The following PRKN variants were observed in gnomAD, a reference collection of about 807,000 sequenced individuals.
PRKN encodes parkin RBR E3 ubiquitin protein ligase, also known as E3 ubiquitin-protein ligase parkin.
Under a neutral mutation model 59.5 loss-of-function variants are expected in PRKN, and 56 were observed. The observed-to-expected ratio is 0.94, with a 90% confidence interval of 0.76 to 1.18. PRKN has a LOEUF of 1.18. PRKN is among the 50% of genes most tolerant of loss of function. The probability of loss-of-function intolerance (pLI) is 0.00; values close to 1 mark genes in which losing one functional copy is unlikely to be tolerated. For missense variants in PRKN, 657 were observed against 596.4 expected (o/e 1.10, Z -1.06); for synonymous variants, 250 against 222.1 (o/e 1.13, Z -1.12).
At chr6:162,725,757 T>C (rs972618437) in intron 1 of PRKN, among the ~76,000 whole-genome samples, 1 of 136,738 alleles carries the variant, frequency 7.3e-6, no homozygotes, top group Non-Finnish European at 1.6e-5. Context: ...AGACAGAACC[T>C]GTCTCAAAAA....
chr6:162,033,874 A>G (rs1562474051), intron 5 of PRKN, among the ~76,000 whole-genome samples: 1 of 152,116 alleles, frequency 6.6e-6, no homozygotes, highest in Non-Finnish European at 1.5e-5. Flanking sequence ...CCTTGAAAAC[A>G]AATATTTGTA....
intron 7 of PRKN, among the ~76,000 whole-genome samples, chr6:161,757,194 A>T (rs1456946487): frequency 6.6e-6 from 1 of 152,220 alleles, no homozygotes; most frequent in Non-Finnish European, 1.5e-5. Flanking sequence ...TAGGTATGCT[A>T]CATAAAGCAC....
chr6:162,059,456 T>A (rs1778004786), intron 4 of PRKN, among the ~76,000 whole-genome samples: 1 of 152,198 alleles, frequency 6.6e-6, no homozygotes, highest in Non-Finnish European at 1.5e-5. Context: ...CTGTCAAATT[T>A]TGGAAAACAT....
intron 2 of PRKN, among the ~76,000 whole-genome samples, chr6:162,410,773 T>G (rs2128154501): frequency 6.6e-6 from 1 of 152,326 alleles, no homozygotes; most frequent in South Asian, 2.1e-4. Context: ...TCTTGGAGTT[T>G]GGCTTCTGTT....
At chr6:161,897,980 A>AAAAAAAAAAAAAAAAAAAAAAAAAC (rs1777718983) in intron 6 of PRKN, among the ~76,000 whole-genome samples, 1 of 145,784 alleles carries the variant, frequency 6.9e-6, no homozygotes, top group Non-Finnish European at 1.5e-5. Context: ...AAAAAAAAAA[A>AAAAAAAAAAAAAAAAAAAAAAAAAC]AAAAGTCTCC....
chr6:162,253,923 A>G (rs1176065727), intron 3 of PRKN, among the ~76,000 whole-genome samples: 1 of 152,102 alleles, frequency 6.6e-6, no homozygotes, highest in Non-Finnish European at 1.5e-5. Flanking sequence ...CTGTGACTTT[A>G]TGTTCTTTGT....
intron 2 of PRKN, among the ~76,000 whole-genome samples, chr6:162,294,288 A>T (rs1781563823): frequency 6.6e-6 from 1 of 152,034 alleles, no homozygotes; most frequent in African/African-American, 2.4e-5. Context: ...CACCCTTTCA[A>T]GCTTCCTCAA....
chr6:162,338,716 G>A lies in PRKN; in HGVS notation c.172-75951C>T, dbSNP rs1459810854. Among the ~76,000 whole-genome samples, 3 of 150,994 alleles carry A rather than the reference G, an allele frequency of 2.0e-5. No homozygotes were observed. In the East Asian group the frequency reaches 6.0e-4, roughly 30 times the overall value. Reference sequence around the variant, plus strand: ...GAGTGTCTCTGCCTGGCCGCCCATTGTCTGGGATGTGAGGAGCCCCTCTGC... The same window carrying A: ...GAGTGTCTCTGCCTGGCCGCCCATTATCTGGGATGTGAGGAGCCCCTCTGC... On this transcript the variant is annotated intron_variant, in intron 2 of 11. Transcript: ENST00000366898.
chr6:162,302,341 T>C (rs114941156), intron 2 of PRKN, among the ~76,000 whole-genome samples: 1 of 151,820 alleles, frequency 6.6e-6, no homozygotes, highest in African/African-American at 2.4e-5. Context: ...TTATAAGACA[T>C]AGGTAGCTTT....
intron 7 of PRKN, among the ~76,000 whole-genome samples, chr6:161,671,451 C>T (rs1784907399): frequency 6.6e-6 from 1 of 152,140 alleles, no homozygotes; most frequent in Non-Finnish European, 1.5e-5. Context: ...TGTTATCATC[C>T]AGGCTATGAG....
chr6:162,517,822 T>C (rs1457741742), intron 1 of PRKN, among the ~76,000 whole-genome samples: 1 of 152,182 alleles, frequency 6.6e-6, no homozygotes, highest in Non-Finnish European at 1.5e-5. Context: ...CATCATATAT[T>C]ATATTAACCA....
At chr6:161,634,358 G>A (rs148392009) in intron 7 of PRKN, among the ~76,000 whole-genome samples, 75 of 152,272 alleles carry the variant, frequency 4.9e-4, no homozygotes, top group African/African-American at 1.7e-3. Context: ...ATAGGCAGAC[G>A]GTGCTCTGAG....
At chr6:162,331,035 G>T (rs1783547718) in intron 2 of PRKN, among the ~76,000 whole-genome samples, 1 of 152,010 alleles carries the variant, frequency 6.6e-6, no homozygotes, top group African/African-American at 2.4e-5. Flanking sequence ...TACGATTTTA[G>T]AAATAATTTT....
Position 161,518,530 on chromosome 6 carries a change from T to G in PRKN, c.1083+30324A>C, listed in dbSNP as rs913912484. Among the ~76,000 whole-genome samples the G allele has an allele frequency of 2.6e-5, 4 of 152,064 alleles. No homozygotes were observed. Among genetic ancestry groups the G allele is most frequent in the Non-Finnish European group, 5.9e-5 (4 of 67,984 alleles). On this transcript the variant is annotated intron_variant, in intron 9 of 11. Transcript: ENST00000366898. The surrounding 1 kb of genome is among the most constrained non-coding windows in gnomAD (Gnocchi z 5.0). ...CAATCCCAGGGCTCTGGGTGAGAGC[T>G]GAACCGAGGCTCACATCTGCCCTTG...
intron 6 of PRKN, among the ~76,000 whole-genome samples, chr6:161,810,961 G>A (rs1026848840): frequency 6.6e-6 from 1 of 152,098 alleles, no homozygotes; most frequent in Admixed American, 6.5e-5. Flanking sequence ...GTCTGATGGG[G>A]AAGAGGAAGA....
At chr6:162,181,178 C>T (rs187299764) in intron 4 of PRKN, among the ~76,000 whole-genome samples, 7 of 152,254 alleles carry the variant, frequency 4.6e-5, no homozygotes, top group East Asian at 1.9e-4. Flanking sequence ...TCGGGGGTGA[C>T]GTTCCAGTCC....
chr6:161,903,890 C>T lies in PRKN; in HGVS notation c.734+69412G>A, dbSNP rs117957069. Among the ~76,000 whole-genome samples, 16 of 151,184 alleles carry T rather than the reference C, an allele frequency of 1.1e-4. No individual in the cohort carries two copies. The East Asian group carries it at 2.9e-3, about 28-fold the overall frequency. ...TGCAAGTCCTCAGTTAAGATATAGT[C>T]AAATAACTATGGCTGCAGTTTCGTC... On this transcript the variant is annotated intron_variant, in intron 6 of 11. Transcript: ENST00000366898.
intron 7 of PRKN, among the ~76,000 whole-genome samples, chr6:161,605,606 G>A (rs1782249332): frequency 6.6e-6 from 1 of 151,564 alleles, no homozygotes; most frequent in Non-Finnish European, 1.5e-5. Flanking sequence ...CTGCCTCCCA[G>A]GTTCAAGCGA....
intron 3 of PRKN, among the ~76,000 whole-genome samples, chr6:162,236,851 A>G (rs994686801): frequency 2.6e-5 from 4 of 151,094 alleles, no homozygotes; most frequent in Non-Finnish European, 4.4e-5. Flanking sequence ...AAAGGAGAGG[A>G]AGGAAGGAAA....
Sources: allele counts gnomAD v4.1 joint callset (sites outside exome capture counted in the v4.1 genomes callset), GRCh38; gene constraint gnomAD v4.1.1; non-coding constraint Gnocchi (gnomAD v3.1); transcripts MANE v1.5; gene names NCBI Gene and HGNC (gene_info 2026-07-23, HGNC 2026-07-21).